The following ATG7 variants were observed in gnomAD, a reference collection of about 807,000 sequenced individuals.
ATG7 encodes ubiquitin-like modifier-activating enzyme ATG7.
ATG7 carries 70 observed loss-of-function variants against 82.4 expected under a neutral mutation model. That is an observed-to-expected ratio of 0.85 (90% CI 0.70 to 1.04). The LOEUF (loss-of-function observed/expected upper bound fraction) is 1.04, where lower values mean the gene tolerates loss of function less well. Among genes scored for constraint, ATG7 ranks in the 50% least tolerant of loss-of-function variants. ATG7 has a pLI of 0.00. For synonymous variants in ATG7, 287 were observed against 313.0 expected, an observed-to-expected ratio of 0.92 and a Z score of 0.88; for missense variants, 792 against 864.3, an observed-to-expected ratio of 0.92 and a Z score of 1.05.
intron 14 of ATG7, 134 bp from the exon 15 acceptor site, chr3:11,358,284 T>G: frequency 2.4e-6 from 2 of 849,928 alleles, no homozygotes; most frequent in Non-Finnish European, 3.7e-6. Flanking sequence ...GTGGGAAGGG[T>G]GCAGCATAAT....
At chr3:11,289,222 CT>C (rs1158077553) in intron 3 of ATG7, among the ~76,000 whole-genome samples, 1 of 152,224 alleles carries the variant, frequency 6.6e-6, no homozygotes, top group African/African-American at 2.4e-5. Context: ...GCAAGCCTTA[CT>C]TTTTCAGGAA....
At chr3:11,565,421 C>T in the ATG7 span, among the ~76,000 whole-genome samples, 1 of 152,146 alleles carries the variant, frequency 6.6e-6, no homozygotes, top group African/African-American at 2.4e-5. This position sits in a 1 kb window ranked among gnomAD's most constrained non-coding sequence, Gnocchi z 4.1. Flanking sequence ...CTGCGTCCTA[C>T]ATGCAGGGCC....
At chr3:11,352,208 T>C (rs897624363) in intron 14 of ATG7, among the ~76,000 whole-genome samples, 1 of 152,170 alleles carries the variant, frequency 6.6e-6, no homozygotes, top group African/African-American at 2.4e-5. Flanking sequence ...TGCATAGTAT[T>C]CCATGGTGTA....
At chr3:11,319,478 CCT>C (rs1949918705) in intron 9 of ATG7, among the ~76,000 whole-genome samples, 1 of 152,146 alleles carries the variant, frequency 6.6e-6, no homozygotes, top group Non-Finnish European at 1.5e-5. Flanking sequence ...TGTTGGAATC[CCT>C]CTGAGTTTCT....
intron 20 of ATG7, among the ~76,000 whole-genome samples, chr3:11,457,193 G>A (rs1296153525): frequency 1.3e-5 from 2 of 152,172 alleles, no homozygotes; most frequent in African/African-American, 4.8e-5. Flanking sequence ...ATAAAATGGA[G>A]TCTAGCAGCT....
At chr3:11,307,136 TG>T in intron 6 of ATG7, 76 bp downstream of exon 6, 1 of 1,344,046 alleles carries the variant, frequency 7.4e-7, no homozygotes, top group East Asian at 2.3e-5. Context: ...ATCAGGCACA[TG>T]GGTCTGCTGC....
In ATG7 at chr3:11,379,956, TTTTG is replaced by T. The variant is rs1229952766; in HGVS notation, c.1876-8_1876-5del. ...TGTGTGTTTGATGTGAATTGTTTTG[TTTTG>T]TTTGTTTTTAGATCCGGGGATTTCT... is the stretch of plus-strand genomic sequence containing the variant. On this transcript the variant is annotated splice_polypyrimidine_tract_variant and intron_variant, in intron 18 of 20. Transcript: ENST00000693202. The T allele has an allele frequency of 2.5e-6, 4 of 1,612,970 alleles. No individual in the cohort carries two copies. The highest frequency in any genetic ancestry group is 1.6e-4 in the Middle Eastern group (1 of 6,062).
chr3:11,372,124 T>C (rs1232315288), intron 18 of ATG7, among the ~76,000 whole-genome samples: 3 of 151,362 alleles, frequency 2.0e-5, no homozygotes, highest in Non-Finnish European at 4.4e-5. Context: ...GTGCCCCACA[T>C]CTGACAACAG....
At position 11,320,507 on chromosome 3, in the gene ATG7, C is replaced by T. The variant is rs1260957629; in HGVS notation, c.678+5014C>T. ...TTCGCCATGTTGGCCGGGCCAGTCT[C>T]GTACTCCTGACCTCAGGTGATCCAC... On this transcript the variant is annotated intron_variant, in intron 9 of 20. Coordinates refer to ENST00000693202, the MANE Select transcript of ATG7 (RefSeq NM_001349232.2). Among the ~76,000 whole-genome samples, 3 of 152,290 alleles carry T rather than the reference C, an allele frequency of 2.0e-5. 1 individual carries two copies. The highest frequency in any genetic ancestry group is 1.3e-4 in the Admixed American group (2 of 15,298).
downstream of ATG7, among the ~76,000 whole-genome samples, chr3:11,559,885 A>G (rs962152555): frequency 1.3e-5 from 2 of 151,840 alleles, no homozygotes; most frequent in Non-Finnish European, 2.9e-5. Context: ...ACTTCAATAC[A>G]CGGCAATTAA....
intron 3 of ATG7, among the ~76,000 whole-genome samples, chr3:11,284,534 G>A (rs1163160002): frequency 6.6e-6 from 1 of 152,054 alleles, no homozygotes; most frequent in African/African-American, 2.4e-5. Context: ...TAAAGATAGG[G>A]GTTTTGTTCT....
At chr3:11,398,155 G>A (rs2079485389) in intron 19 of ATG7, among the ~76,000 whole-genome samples, 1 of 151,802 alleles carries the variant, frequency 6.6e-6, no homozygotes, top group South Asian at 2.1e-4. Flanking sequence ...AAAAGAAATC[G>A]GGAAGGGTTA....
At chr3:11,554,763 AC>A in intron 20 of ATG7, 47 bp from the exon 21 acceptor site, 2 of 1,608,120 alleles carry the variant, frequency 1.2e-6, no homozygotes, top group Non-Finnish European at 1.7e-6. Context: ...TGTGCCCCCC[AC>A]CGGGCAGTGG....
chr3:11,515,297 C>CGTGTGTGTGTGTGTAT (rs1553704985), intron 20 of ATG7, among the ~76,000 whole-genome samples: 1 of 151,216 alleles, frequency 6.6e-6, no homozygotes, highest in Non-Finnish European at 1.5e-5. Flanking sequence ...GTCTCTTGCG[C>CGTGTGTGTGTGTGTAT]GTGTGTGTGT....
At chr3:11,395,232 G>T (rs2079111282) in intron 19 of ATG7, among the ~76,000 whole-genome samples, 1 of 151,944 alleles carries the variant, frequency 6.6e-6, no homozygotes, top group Non-Finnish European at 1.5e-5. Flanking sequence ...CACAAAGATG[G>T]AAAATATAAA....
chr3:11,358,864 C>A (rs1401532826), intron 15 of ATG7, among the ~76,000 whole-genome samples: 4 of 152,216 alleles, frequency 2.6e-5, no homozygotes, highest in African/African-American at 4.8e-5. Context: ...ACTGTACTTA[C>A]ATTAAAACGT....
At chr3:11,574,502 G>C in the ATG7 span, among the ~76,000 whole-genome samples, 1 of 152,152 alleles carries the variant, frequency 6.6e-6, no homozygotes. Context: ...GTAGGGAGAA[G>C]GTAGGGGCTG....
At chr3:11,510,743 T>A (rs2092010293) in intron 20 of ATG7, among the ~76,000 whole-genome samples, 1 of 152,138 alleles carries the variant, frequency 6.6e-6, no homozygotes, top group African/African-American at 2.4e-5. Flanking sequence ...TTTTTGGCCA[T>A]ACTGTTCTTG....
At chr3:11,340,391 T>C (rs1953343098) in intron 11 of ATG7, among the ~76,000 whole-genome samples, 1 of 151,672 alleles carries the variant, frequency 6.6e-6, no homozygotes, top group South Asian at 2.1e-4. Context: ...TTTCAGAAGC[T>C]CCTGTACAGG....
Sources: gnomAD v4.1 joint callset for allele counts (sites outside exome capture counted in the v4.1 genomes callset) on GRCh38, gnomAD v4.1.1 for gene constraint, Gnocchi (gnomAD v3.1) non-coding constraint, MANE v1.5 for transcripts, NCBI Gene and HGNC (gene_info 2026-07-23, HGNC 2026-07-21) for gene names.